Variants in SNX5 observed in about 807,000 individuals in gnomAD.
SNX5 encodes sorting nexin-5.
In SNX5, 31 loss-of-function variants were observed where a neutral mutation model predicts 53.9. The ratio of observed to expected loss-of-function variants is 0.58; its 90% CI spans 0.43 to 0.78. The LOEUF is 0.78. Among genes scored for constraint, SNX5 ranks in the 30% least tolerant of loss-of-function variants. The pLI, the probability that SNX5 is intolerant of heterozygous loss-of-function variation, is 0.00. For missense variants in SNX5, 471 were observed against 478.8 expected (o/e 0.98, Z 0.15); for synonymous variants, 168 against 171.1 (o/e 0.98, Z 0.14).
rs1446105986 is a variant in SNX5 at position 17,956,898 on chromosome 20, T to C, written c.156+35A>G. On this transcript the variant is annotated intron_variant, in intron 2 of 12. Transcript: ENST00000377759. ...CACTGTGAATAACAAGGCTGCAACC[T>C]AGCACTGTATGTATTACCACTGCAT... 2.1e-5 allele frequency: 22 copies of C among 1,052,042 alleles called. No homozygotes were observed. In the East Asian group the frequency reaches 4.2e-4, roughly 20 times the overall value. The allele number at this position is 1,052,042 out of a possible 1,614,324, so 65.2% of individuals were successfully genotyped here.
At chr20:17,958,416 T>G (rs1019041091) in intron 1 of SNX5, among the ~76,000 whole-genome samples, 1 of 152,244 alleles carries the variant, frequency 6.6e-6, no homozygotes, top group Non-Finnish European at 1.5e-5. Context: ...TAAAAGCACA[T>G]GGATTACTTA....
At chr20:17,961,451 A>G (rs2035446871) in intron 1 of SNX5, 1 of 985,442 alleles carries the variant, frequency 1.0e-6, no homozygotes. Context: ...GACACAGTCC[A>G]AAGAAGTGAA....
At chr20:17,948,230 GTA>G (rs1222790590) in intron 10 of SNX5, among the ~76,000 whole-genome samples, 1 of 152,192 alleles carries the variant, frequency 6.6e-6, no homozygotes, top group Non-Finnish European at 1.5e-5. Flanking sequence ...GCCTATTTTT[GTA>G]TATACTCAAA....
chr20:17,956,673 C>CAAAAAAAAAAAAAAAAAAA (rs59252584), intron 2 of SNX5, among the ~76,000 whole-genome samples: 13 of 84,878 alleles, frequency 1.5e-4, no homozygotes, highest in Non-Finnish European at 2.0e-4. Flanking sequence ...AGACTGTCTC[C>CAAAAAAAAAAAAAAAAAAA]AAAAAAAAAA....
rs946084163 is a variant in SNX5 at position 17,968,625 on chromosome 20, G to A, written c.-200C>T. On this transcript the variant is annotated 5_prime_UTR_variant, in exon 1 of 13. Coordinates refer to ENST00000377759, the MANE Select transcript of SNX5 (RefSeq NM_014426.4). ...GGAGCAGGCGAGCAGGGCGCCACGT[G>A]CTCCCCCAGAGCAGCCTCCCAGTCC... 3 of 624,066 alleles carry A rather than the reference G, an allele frequency of 4.8e-6. No homozygotes were observed. The highest frequency in any genetic ancestry group is 8.6e-6 in the Non-Finnish European group (3 of 347,394). 38.7% of individuals were successfully genotyped at this position (624,066 alleles called of 1,614,324 possible).
chr20:17,950,672 A>G (rs2039554501), intron 6 of SNX5, among the ~76,000 whole-genome samples: 1 of 152,210 alleles, frequency 6.6e-6, no homozygotes, highest in Admixed American at 6.5e-5. Flanking sequence ...CGCTAGTACA[A>G]TGGTTCTACC....
Position 17,941,879 on chromosome 20 carries a change from C to A in SNX5, c.*478G>T. ...CTTGCTGTTGTTATAGTACAAACAC[C>A]AGATGACTACCAGTGGAGTAACAGG... is the stretch of plus-strand genomic sequence containing the variant. On this transcript the variant is annotated 3_prime_UTR_variant, in exon 13 of 13. Coordinates refer to ENST00000377759, the MANE Select transcript of SNX5 (RefSeq NM_014426.4). The A allele has an allele frequency of 6.4e-6, 1 of 155,084 alleles. No homozygotes were observed. The highest frequency in any genetic ancestry group is 2.0e-4 in the South Asian group (1 of 5,072). The allele number at this position is 155,084 out of a possible 1,614,324, so 9.6% of individuals were successfully genotyped here. A position where few individuals can be genotyped will look rare whatever the true frequency, so the allele number is the denominator to read the frequency against.
At chr20:17,949,329 C>T (rs774987638) in intron 8 of SNX5, among the ~76,000 whole-genome samples, 1 of 152,196 alleles carries the variant, frequency 6.6e-6, no homozygotes, top group South Asian at 2.1e-4. Flanking sequence ...GGTGACCCTT[C>T]GGTCATCCTG....
At chr20:17,949,407 T>C (rs1240297180) in intron 8 of SNX5, among the ~76,000 whole-genome samples, 3 of 152,236 alleles carry the variant, frequency 2.0e-5, no homozygotes, top group Admixed American at 6.5e-5. Flanking sequence ...TAATGAGCTA[T>C]GCTATGGGCA....
chr20:17,961,377 C>T, intron 1 of SNX5: 2 of 985,374 alleles, frequency 2.0e-6, no homozygotes, highest in Non-Finnish European at 2.4e-6. Context: ...ACCAGGAGAA[C>T]AGAAAAAATA....
chr20:17,963,507 C>T (rs1324082353), intron 1 of SNX5, among the ~76,000 whole-genome samples: 2 of 152,188 alleles, frequency 1.3e-5, no homozygotes, highest in Non-Finnish European at 2.9e-5. Flanking sequence ...GTTTCCTTTA[C>T]TCAGAGCTAA....
At chr20:17,960,766 G>C (rs2035434011) in intron 1 of SNX5, among the ~76,000 whole-genome samples, 1 of 132,272 alleles carries the variant, frequency 7.6e-6, no homozygotes, top group African/African-American at 2.8e-5. Context: ...AACAGAGCGA[G>C]TCTCCAAAAA....
chr20:17,956,984 T>C lies in SNX5; in HGVS notation c.105A>G (p.Ile35Met), dbSNP rs1244276135. The C allele has an allele frequency of 2.5e-6, 4 of 1,610,640 alleles. No homozygotes were observed. Among genetic ancestry groups the C allele is most frequent in the Admixed American group, 3.3e-5 (2 of 59,998 alleles). Residue 35 changes from isoleucine to methionine, a missense_variant, in exon 2 of 13, where the codon ATA (isoleucine) becomes ATG (methionine). Coordinates refer to ENST00000377759, the MANE Select transcript of SNX5 (RefSeq NM_014426.4). ...LNVDPSLQID[I>M]PDALSERDKV... The stretch of plus-strand genomic sequence containing the variant: ...TGTCTCTCTCACTGAGCGCATCAGG[T>C]ATGTCAATCTGAAGCGAGGGATCAA...
chr20:17,949,369 C>T (rs2039532294), intron 8 of SNX5, among the ~76,000 whole-genome samples: 1 of 152,190 alleles, frequency 6.6e-6, no homozygotes, highest in South Asian at 2.1e-4. Context: ...TATTAAATGC[C>T]AATGCTGTGT....
At chr20:17,945,295 C>T (rs1368883419) in intron 11 of SNX5, 1 of 152,288 alleles carries the variant, frequency 6.6e-6, no homozygotes, top group Non-Finnish European at 1.5e-5. Flanking sequence ...CCCTTACCCA[C>T]TGACTCAACT....
At chr20:17,947,723 C>G in intron 10 of SNX5, 78 bp from the exon 11 acceptor site, 1 of 1,257,148 alleles carries the variant, frequency 8.0e-7, no homozygotes, top group South Asian at 1.5e-5. Flanking sequence ...AATGTACCAC[C>G]TGAGATGTTA....
rs1174664787 is a variant in SNX5 at position 17,952,600 on chromosome 20, T to C, written c.500A>G (p.Glu167Gly). 1.2e-6 allele frequency: 2 copies of C among 1,613,872 alleles called. No homozygotes were observed. Among genetic ancestry groups the C allele is most frequent in the Non-Finnish European group, 1.7e-6 (2 of 1,179,906 alleles). Residue 167 changes from glutamate (E) to glycine (G), a missense_variant, in exon 5 of 13, where the codon GAA becomes GGA. By Grantham distance (98) the Glu-to-Gly change is moderately conservative. Transcript: ENST00000377759. ...AAAATGCCTTACATCCTGATCATAT[T>C]CCAGGAAAACATGAAAGTTGCGATC... is the stretch of plus-strand genomic sequence containing the variant. ...SKDRNFHVFL[E>G]YDQDLSVRRK...
chr20:17,942,616 C>T (rs1404776817), intron 12 of SNX5: 1 of 590,364 alleles, frequency 1.7e-6, no homozygotes, highest in Non-Finnish European at 3.0e-6. Flanking sequence ...GTGGGTAAGG[C>T]TACCAGCCAA....
At chr20:17,959,992 TACA>T (rs1032531754) in intron 1 of SNX5, among the ~76,000 whole-genome samples, 1 of 152,158 alleles carries the variant, frequency 6.6e-6, no homozygotes, top group African/African-American at 2.4e-5. Flanking sequence ...CCACAGATGT[TACA>T]ATGCTTACAG....
Sources: allele counts gnomAD v4.1 joint callset (sites outside exome capture counted in the v4.1 genomes callset), GRCh38; gene constraint gnomAD v4.1.1; transcripts MANE v1.5; gene names NCBI Gene and HGNC (gene_info 2026-07-23, HGNC 2026-07-21).